STX1B: variants seen among roughly 807,000 people sequenced by gnomAD.
The protein encoded by STX1B is syntaxin-1B.
A neutral mutation model predicts 39.4 loss-of-function variants in STX1B; 7 were observed. That is an observed-to-expected ratio of 0.18 (90% CI 0.10 to 0.33). STX1B has a LOEUF of 0.33. STX1B is among the 10% of genes least tolerant of loss of function. The pLI is 1.00. For synonymous variants in STX1B, 136 were observed against 144.1 expected (o/e 0.94, Z 0.40); for missense variants, 198 against 383.2 (o/e 0.52, Z 4.04).
At chr16:30,997,726 G>T in intron 4 of STX1B, 151 bp from the exon 5 acceptor site, 1 of 702,358 alleles carries the variant, frequency 1.4e-6, no homozygotes, top group Non-Finnish European at 2.4e-6. Context: ...GTGCCCCAGG[G>T]TGGTGTTAGG....
Position 31,001,130 on chromosome 16 carries a change from G to A in STX1B, c.169C>T (p.His57Tyr). The stretch of plus-strand genomic sequence containing the variant: ...TTGGGTGCGGCCAGGATGGCGCTAT[G>A]CTGTTTTTTCACCTGCTCCACATCC... ...SEDVEQVKKQ[H>Y]SAILAAPNPD... Residue 57 changes from histidine (H) to tyrosine (Y), a missense_variant, in exon 3 of 10, where the codon CAT becomes TAT. Coordinates refer to ENST00000215095, the MANE Select transcript of STX1B (RefSeq NM_052874.5). The surrounding 1 kb of genome is among the most constrained non-coding windows in gnomAD (Gnocchi z 5.5). 6.2e-7 allele frequency: 1 copy of A among 1,614,108 alleles called. No individual in the cohort carries two copies.
chr16:30,996,373 T>G, intron 7 of STX1B: 21 of 269,046 alleles, frequency 7.8e-5, no homozygotes, highest in East Asian at 3.2e-4. Context: ...TGCCAAGTGA[T>G]TTCATCTCTC....
At position 30,990,329 on chromosome 16, in the gene STX1B, A is replaced by G. The variant is rs879785236; in HGVS notation, c.*2492T>C. On this transcript the variant is annotated 3_prime_UTR_variant, in exon 10 of 10. Transcript: ENST00000215095. ...GGAGGGCCGTGGCCAGACTTGGGGC[A>G]GACTTCCTGTCCTGCAGAGGGGCGT... 6.6e-6 allele frequency: 1 copy of G among 152,294 alleles called. No homozygotes were observed. Among genetic ancestry groups the G allele is most frequent in the Admixed American group, 6.5e-5 (1 of 15,282 alleles). The allele number at this position is 152,294 out of a possible 1,614,324, so 9.4% of individuals were successfully genotyped here. A position where few individuals can be genotyped will look rare whatever the true frequency, so the allele number is the denominator to read the frequency against.
At chr16:30,996,928 C>T (rs750001673) in intron 6 of STX1B, 23 bp downstream of exon 6, 2 of 1,603,910 alleles carry the variant, frequency 1.2e-6, no homozygotes, top group Non-Finnish European at 8.5e-7. Flanking sequence ...AGTTCGGGGT[C>T]CTGGGGTGGG....
At chr16:31,007,358 G>A (rs1303377746) in intron 1 of STX1B, among the ~76,000 whole-genome samples, 3 of 151,986 alleles carry the variant, frequency 2.0e-5, no homozygotes, top group African/African-American at 4.8e-5. Context: ...GGGTGTCTCC[G>A]CACTTCTCCC....
At chr16:30,995,946 G>A (rs1412986315) in intron 7 of STX1B, among the ~76,000 whole-genome samples, 1 of 152,158 alleles carries the variant, frequency 6.6e-6, no homozygotes, top group East Asian at 1.9e-4. Flanking sequence ...GGAGGCTGAG[G>A]CAGGCAGATT....
rs1596719564 is a variant in STX1B at position 31,001,285 on chromosome 16, C to T, written c.106-92G>A. On this transcript the variant is annotated intron_variant, in intron 2 of 9. Transcript: ENST00000215095. This position sits in a 1 kb window ranked among gnomAD's most constrained non-coding sequence, Gnocchi z 5.5. ...GCCAGGGTTCAGGGGAATGGACCAG[C>T]CCCAGAACGGCTGATAAAAGGCCAG... 2.4e-6 allele frequency: 3 copies of T among 1,272,780 alleles called. No homozygotes were observed. The highest frequency in any genetic ancestry group is 2.4e-5 in the East Asian group (1 of 42,194). The allele number at this position is 1,272,780 out of a possible 1,614,324, so 78.8% of individuals were successfully genotyped here. A position where few individuals can be genotyped will look rare whatever the true frequency, so the allele number is the denominator to read the frequency against.
chr16:30,992,667 G>A lies in STX1B; in HGVS notation c.*154C>T. 3 of 480,668 alleles carry A rather than the reference G, an allele frequency of 6.2e-6. No homozygotes were observed. Among genetic ancestry groups the A allele is most frequent in the South Asian group, 4.6e-5 (2 of 43,610 alleles). The allele number at this position is 480,668 out of a possible 1,614,324, so 29.8% of individuals were successfully genotyped here. On this transcript the variant is annotated 3_prime_UTR_variant, in exon 10 of 10. Coordinates refer to ENST00000215095, the MANE Select transcript of STX1B (RefSeq NM_052874.5). ...GGGGGGGGGGTCCATGGCCCGGTGA[G>A]GTCCAGGGACACCAGGGTCTGCCGT...
chr16:30,994,258 C>T (rs1194645299), intron 7 of STX1B, among the ~76,000 whole-genome samples: 1 of 149,212 alleles, frequency 6.7e-6, no homozygotes, highest in African/African-American at 2.5e-5. Context: ...CGCCACTGCA[C>T]TCCAGCCTGA....
rs774600832 is a variant in STX1B, at chr16:31,001,016, G to A, written c.206-14C>T. On this transcript the variant is annotated splice_polypyrimidine_tract_variant and intron_variant, in intron 3 of 9. Transcript: ENST00000215095. This position sits in a 1 kb window ranked among gnomAD's most constrained non-coding sequence, Gnocchi z 5.5. Reference sequence around the variant, plus strand: ...CCTGTTTGGTCTCTGAGGGGAGGGCGAGGGCAAGTGAGATGTCTGGGTGGG... The same window carrying A: ...CCTGTTTGGTCTCTGAGGGGAGGGCAAGGGCAAGTGAGATGTCTGGGTGGG... 2.8e-5 allele frequency: 45 copies of A among 1,614,150 alleles called. No homozygotes were observed. Among genetic ancestry groups the A allele is most frequent in the Middle Eastern group, 3.3e-4 (2 of 6,062 alleles).
chr16:31,001,561 G>A lies in STX1B; in HGVS notation c.73C>T (p.Arg25Trp), dbSNP rs548580499. 5 of 1,613,160 alleles carry A rather than the reference G, an allele frequency of 3.1e-6. No homozygotes were observed. Among genetic ancestry groups the A allele is most frequent in the African/African-American group, 1.3e-5 (1 of 75,028 alleles). The change falls in exon 2 of 10, where the codon CGG (arginine) becomes TGG (tryptophan). Residue 25 changes from arginine (R) to tryptophan (W), a missense_variant. Coordinates refer to ENST00000215095, the MANE Select transcript of STX1B (RefSeq NM_052874.5). The surrounding 1 kb of genome is among the most constrained non-coding windows in gnomAD (Gnocchi z 5.5). ...AAGAACTCATCCATGAAGTGGTCCC[G>A]ATCCACGTGGACCACCTCCTCTTCA... ...DDEEEVVHVD[R>W]DHFMDEFFEQ...
rs2056555493 is a variant in STX1B at position 30,991,203 on chromosome 16, A to G, written c.*1618T>C. ...GATCCCCGCACCCATGCCAGCGTGC[A>G]TGGTTTGTGCCTGGTATGGCCCCTG... On this transcript the variant is annotated 3_prime_UTR_variant, in exon 10 of 10. Coordinates refer to ENST00000215095, the MANE Select transcript of STX1B (RefSeq NM_052874.5). 6.5e-6 allele frequency: 1 copy of G among 152,680 alleles called. No homozygotes were observed. 9.5% of individuals were successfully genotyped at this position (152,680 alleles called of 1,614,324 possible).
intron 1 of STX1B, among the ~76,000 whole-genome samples, chr16:31,003,175 T>C (rs1315843820): frequency 6.6e-6 from 1 of 152,164 alleles, no homozygotes; most frequent in Non-Finnish European, 1.5e-5. Context: ...CCAGCCCAAA[T>C]GGAACTCCAG....
chr16:30,996,783 G>C (rs374851034), intron 6 of STX1B, 27 bp from the exon 7 acceptor site: 155 of 1,611,224 alleles, frequency 9.6e-5, no homozygotes, highest in Non-Finnish European at 1.2e-4. Context: ...CTCCCTGCTC[G>C]GGGGCTGGGA....
chr16:31,006,062 C>T (rs1288505907), intron 1 of STX1B, among the ~76,000 whole-genome samples: 4 of 152,146 alleles, frequency 2.6e-5, no homozygotes, highest in Admixed American at 1.3e-4. Context: ...AACACAGAGG[C>T]GGCAAGAGAC....
intron 4 of STX1B, among the ~76,000 whole-genome samples, chr16:30,999,426 A>G (rs2056612195): frequency 6.6e-6 from 1 of 152,182 alleles, no homozygotes; most frequent in Non-Finnish European, 1.5e-5. Flanking sequence ...GGTGCTCAGC[A>G]TATGTTTTCT....
chr16:30,997,198 CCTT>C, intron 5 of STX1B, 139 bp from the exon 6 acceptor site: 1 of 673,742 alleles, frequency 1.5e-6, no homozygotes, highest in Non-Finnish European at 2.6e-6. Context: ...GTTTACGGTC[CCTT>C]CTTCAGCTCT....
intron 4 of STX1B, among the ~76,000 whole-genome samples, chr16:31,000,298 G>A (rs906688589): frequency 7.3e-5 from 11 of 149,752 alleles, no homozygotes; most frequent in Admixed American, 3.3e-4. Flanking sequence ...GAGCTACCAC[G>A]CCCAGTCCCT....
intron 7 of STX1B, among the ~76,000 whole-genome samples, chr16:30,994,421 CAAAAAAAAA>C (rs543652303): frequency 9.0e-6 from 1 of 111,350 alleles, no homozygotes; most frequent in African/African-American, 3.7e-5. Flanking sequence ...TTGTTTCTAT[CAAAAAAAAA>C]AAAAAAAAAG....
Sources: allele counts gnomAD v4.1 joint callset (sites outside exome capture counted in the v4.1 genomes callset), GRCh38; gene constraint gnomAD v4.1.1; non-coding constraint Gnocchi (gnomAD v3.1); transcripts MANE v1.5; gene names NCBI Gene and HGNC (gene_info 2026-07-23, HGNC 2026-07-21).